ABI3BP: variants seen among roughly 807,000 people sequenced by gnomAD.
ABI3BP encodes the protein ABI family member 3 binding protein.
ABI3BP carries 216 observed loss-of-function variants against 268.6 expected under a neutral mutation model. The ratio of observed to expected loss-of-function variants is 0.80; its 90% CI spans 0.72 to 0.90. The LOEUF (loss-of-function observed/expected upper bound fraction) is 0.90, where lower values mean the gene tolerates loss of function less well. Among genes scored for constraint, ABI3BP ranks in the 40% least tolerant of loss-of-function variants. The pLI, the probability that ABI3BP is intolerant of heterozygous loss-of-function variation, is 0.00. For synonymous variants in ABI3BP, 730 were observed against 730.0 expected, an observed-to-expected ratio of 1.00 and a Z score of 0.00; for missense variants, 2,090 against 2,182.4, an observed-to-expected ratio of 0.96 and a Z score of 0.84.
At chr3:100,786,675 G>A (rs2097056127) in intron 57 of ABI3BP, among the ~76,000 whole-genome samples, 1 of 152,132 alleles carries the variant, frequency 6.6e-6, no homozygotes, top group African/African-American at 2.4e-5. Context: ...GAGAGAAGGT[G>A]GCTCCGTTTA....
chr3:100,783,637 C>T (rs948931955), intron 57 of ABI3BP, among the ~76,000 whole-genome samples: 16 of 152,194 alleles, frequency 1.1e-4, no homozygotes, highest in Admixed American at 3.9e-4. Flanking sequence ...TTATCCTTTA[C>T]AGAAACAGTC....
chr3:100,831,093 G>T (rs1002690915), intron 31 of ABI3BP, among the ~76,000 whole-genome samples: 3 of 152,176 alleles, frequency 2.0e-5, no homozygotes, highest in African/African-American at 7.2e-5. Flanking sequence ...CCCCTATGGT[G>T]ATCCCCAGTG....
rs1206788476 is a variant in ABI3BP, at chr3:100,794,947, G to C, written c.3922C>G (p.Gln1308Glu). Reference protein sequence around the residue: ...FIPMISPSPSQEELQTTLEET... With the variant: ...FIPMISPSPSEEELQTTLEET... ...CCCAGAGTGGTCTGTAGTTCCTCTT[G>C]ACTAGGACTTGGGGAAATCATGGGT... Residue 1308 changes from glutamine (Q) to glutamate (E), a missense_variant, in exon 54 of 68, where the codon CAA (glutamine) becomes GAA (glutamate). Coordinates refer to ENST00000471714, the MANE Select transcript of ABI3BP (RefSeq NM_001375547.2). 5.1e-6 allele frequency: 8 copies of C among 1,571,298 alleles called. No individual in the cohort carries two copies. The East Asian group carries it at 1.6e-4, about 32-fold the overall frequency.
intron 57 of ABI3BP, among the ~76,000 whole-genome samples, chr3:100,786,219 T>A (rs1412873129): frequency 6.6e-6 from 1 of 151,882 alleles, no homozygotes; most frequent in Non-Finnish European, 1.5e-5. Context: ...GGAGGTGGAG[T>A]AAAGAAAGAG....
At chr3:100,918,282 G>GTCCACCCA (rs149446394) in intron 2 of ABI3BP, among the ~76,000 whole-genome samples, 37 of 149,202 alleles carry the variant, frequency 2.5e-4, no homozygotes, top group Middle Eastern at 3.4e-3. Context: ...TCATCCACCC[G>GTCCACCCA]TCCACCCATC....
intron 51 of ABI3BP, among the ~76,000 whole-genome samples, chr3:100,799,951 G>C (rs2097476382): frequency 6.6e-6 from 1 of 152,134 alleles, no homozygotes; most frequent in Non-Finnish European, 1.5e-5. Context: ...AGGCTAGCAT[G>C]TACACACCCA....
chr3:100,794,723 T>A (rs1199648998), intron 54 of ABI3BP, among the ~76,000 whole-genome samples, 200 bp downstream of exon 54: 1 of 152,010 alleles, frequency 6.6e-6, no homozygotes, highest in Non-Finnish European at 1.5e-5. Flanking sequence ...CTTAGATGTG[T>A]TAAAACATTC....
At chr3:100,968,415 A>C (rs2082182705) in intron 1 of ABI3BP, among the ~76,000 whole-genome samples, 1 of 152,196 alleles carries the variant, frequency 6.6e-6, no homozygotes, top group South Asian at 2.1e-4. Flanking sequence ...CAAGAAATAC[A>C]TAGTATTTTG....
chr3:100,901,344 C>G (rs1369711732), intron 3 of ABI3BP, among the ~76,000 whole-genome samples: 1 of 152,192 alleles, frequency 6.6e-6, no homozygotes, highest in African/African-American at 2.4e-5. Context: ...TGTTCTTTCT[C>G]CCATTTTATT....
intron 63 of ABI3BP, among the ~76,000 whole-genome samples, chr3:100,763,469 A>C (rs2096091080): frequency 1.3e-5 from 2 of 152,038 alleles, no homozygotes; most frequent in South Asian, 4.2e-4. Context: ...GTCTCAAAAA[A>C]AAAAAAAAGA....
chr3:100,750,882 A>AACTT (rs2095275820), intron 67 of ABI3BP, among the ~76,000 whole-genome samples: 2 of 152,124 alleles, frequency 1.3e-5, no homozygotes, highest in Admixed American at 1.3e-4. Context: ...GTGTTCAAAG[A>AACTT]ACTTAGTAGG....
intron 12 of ABI3BP, chr3:100,863,129 T>C (rs1426513585): frequency 4.1e-6 from 2 of 493,674 alleles, no homozygotes; most frequent in Admixed American, 3.6e-5. Context: ...CTACTGTATT[T>C]GGACTCTTCT....
intron 34 of ABI3BP, among the ~76,000 whole-genome samples, chr3:100,826,290 T>C (rs2098382968): frequency 6.6e-6 from 1 of 152,232 alleles, no homozygotes; most frequent in Non-Finnish European, 1.5e-5. Flanking sequence ...ACTTCTGTTA[T>C]TTAAGCCACC....
chr3:100,875,260 C>A (rs150740510), intron 8 of ABI3BP, among the ~76,000 whole-genome samples: 2 of 152,288 alleles, frequency 1.3e-5, no homozygotes, highest in East Asian at 1.9e-4. Context: ...CTCTGTGGGG[C>A]AGGTAGGACA....
At chr3:100,802,126 C>T (rs991473377) in intron 51 of ABI3BP, among the ~76,000 whole-genome samples, 3 of 152,066 alleles carry the variant, frequency 2.0e-5, no homozygotes, top group Non-Finnish European at 4.4e-5. Context: ...TTAATTAGTT[C>T]ACAAAAAACT....
chr3:100,808,121 C>T, intron 50 of ABI3BP, 40 bp downstream of exon 50: 2 of 1,569,978 alleles, frequency 1.3e-6, no homozygotes. Flanking sequence ...ACCCCACTAA[C>T]CTCAAACTTT....
chr3:100,850,387 G>A (rs2098824042), intron 16 of ABI3BP, among the ~76,000 whole-genome samples: 1 of 152,116 alleles, frequency 6.6e-6, no homozygotes, highest in Admixed American at 6.6e-5. Flanking sequence ...GAAGTGAGAT[G>A]GTGCAGGTGA....
intron 63 of ABI3BP, among the ~76,000 whole-genome samples, chr3:100,755,974 C>T (rs2149357917): frequency 6.6e-6 from 1 of 151,100 alleles, no homozygotes; most frequent in Admixed American, 6.5e-5. Context: ...ACTAAATGAG[C>T]AGGAAAAAAA....
intron 45 of ABI3BP, among the ~76,000 whole-genome samples, chr3:100,812,810 A>G (rs1447280864): frequency 1.3e-5 from 2 of 152,176 alleles, no homozygotes; most frequent in African/African-American, 4.8e-5. Flanking sequence ...GAAGAAAAAT[A>G]TAGGATCCAG....
Sources: allele counts gnomAD v4.1 joint callset (sites outside exome capture counted in the v4.1 genomes callset), GRCh38; gene constraint gnomAD v4.1.1; transcripts MANE v1.5; gene names NCBI Gene and HGNC (gene_info 2026-07-23, HGNC 2026-07-21).